Variants in GFRA1 observed in about 807,000 individuals in gnomAD.
GFRA1 encodes GDNF family receptor alpha 1.
In GFRA1, 16 loss-of-function variants were observed where a neutral mutation model predicts 51.6. The ratio of observed to expected loss-of-function variants is 0.31; its 90% confidence interval spans 0.21 to 0.47. The LOEUF (loss-of-function observed/expected upper bound fraction) is 0.47, where lower values mean the gene tolerates loss of function less well. Among genes scored for constraint, GFRA1 ranks in the 20% least tolerant of loss-of-function variants. The probability of loss-of-function intolerance (pLI) is 1.00; values close to 1 mark genes in which losing one functional copy is unlikely to be tolerated. For missense variants in GFRA1, 530 were observed against 594.3 expected, an observed-to-expected ratio of 0.89 and a Z score of 1.13; for synonymous variants, 270 against 241.3, an observed-to-expected ratio of 1.12 and a Z score of -1.10.
rs1313165320 is a variant in GFRA1, at chr10:116,060,347, C to T, written c.*4051G>A. On this transcript the variant is annotated 3_prime_UTR_variant, in exon 11 of 11. Transcript: ENST00000355422. ...AGAATTTCTAATAAGAAATTCCTTC[C>T]TCTGTCGTTCGGATATTATCAATAG... is the stretch of plus-strand genomic sequence containing the variant. 1 of 152,184 alleles carries T rather than the reference C, an allele frequency of 6.6e-6. No individual in the cohort carries two copies. Among genetic ancestry groups the T allele is most frequent in the African/African-American group, 2.4e-5 (1 of 41,438 alleles). 9.4% of individuals were successfully genotyped at this position (152,184 alleles called of 1,614,324 possible).
intron 5 of GFRA1, among the ~76,000 whole-genome samples, chr10:116,179,954 C>T (rs934581395): frequency 1.1e-4 from 16 of 152,124 alleles, no homozygotes; most frequent in African/African-American, 3.9e-4. Flanking sequence ...AACAGGGATG[C>T]TTGGTGTCAC....
At chr10:116,065,546 C>G (rs376337481) in intron 10 of GFRA1, 27 bp downstream of exon 10, 11 of 1,590,108 alleles carry the variant, frequency 6.9e-6, no homozygotes, top group South Asian at 6.6e-5. Flanking sequence ...TATAAATGCA[C>G]GAAGCCTCCA....
At chr10:116,151,184 A>G (rs554146072) in intron 5 of GFRA1, among the ~76,000 whole-genome samples, 29 of 152,286 alleles carry the variant, frequency 1.9e-4, no homozygotes, top group African/African-American at 6.3e-4. Flanking sequence ...CAAGGCAAGC[A>G]TCTGTACAAG....
intron 4 of GFRA1, among the ~76,000 whole-genome samples, chr10:116,248,673 A>G (rs572649426): frequency 6.6e-6 from 1 of 152,316 alleles, no homozygotes; most frequent in South Asian, 2.1e-4. Context: ...TAGGCCTGCA[A>G]CAAGTCCATA....
intron 4 of GFRA1, among the ~76,000 whole-genome samples, chr10:116,248,631 T>C (rs1170012244): frequency 1.4e-4 from 22 of 152,186 alleles, no homozygotes; most frequent in Admixed American, 1.2e-3. Flanking sequence ...ACTGTGGAGT[T>C]TGCAAAGCAC....
At chr10:116,153,030 G>A (rs1421401878) in intron 5 of GFRA1, among the ~76,000 whole-genome samples, 1 of 152,094 alleles carries the variant, frequency 6.6e-6, no homozygotes, top group East Asian at 1.9e-4. Context: ...ATCCATCCAT[G>A]CATCCATCTA....
chr10:116,209,573 A>G (rs1265898954), intron 5 of GFRA1, among the ~76,000 whole-genome samples: 1 of 152,096 alleles, frequency 6.6e-6, no homozygotes, highest in Non-Finnish European at 1.5e-5. Flanking sequence ...CAGACAACGC[A>G]GTGGCGTCTG....
intron 5 of GFRA1, among the ~76,000 whole-genome samples, chr10:116,149,066 G>A (rs557849126): frequency 2.0e-5 from 3 of 152,200 alleles, no homozygotes; most frequent in African/African-American, 7.2e-5. Flanking sequence ...TGAGCAGTAA[G>A]TTCTCTGGAT....
rs564312480 is a variant in GFRA1, at chr10:116,236,246, G to A, written c.419-24601C>T. Among the ~76,000 whole-genome samples, 12 of 152,214 alleles carry A rather than the reference G, an allele frequency of 7.9e-5. No individual in the cohort carries two copies. The South Asian group carries it at 1.9e-3, about 24-fold the overall frequency. On this transcript the variant is annotated intron_variant, in intron 4 of 10. Transcript: ENST00000355422. The stretch of plus-strand genomic sequence containing the variant: ...CTGCACTCCCTTCCATGCCTCGCCA[G>A]CTTTGCTCTGCCCAAATCACTTCCT...
chr10:116,139,799 G>C (rs559134180), intron 5 of GFRA1, among the ~76,000 whole-genome samples: 1 of 152,216 alleles, frequency 6.6e-6, no homozygotes, highest in Non-Finnish European at 1.5e-5. Flanking sequence ...GTGGATTCCT[G>C]CTCCATCGGA....
At chr10:116,141,955 A>G (rs1450438848) in intron 5 of GFRA1, among the ~76,000 whole-genome samples, 2 of 152,166 alleles carry the variant, frequency 1.3e-5, no homozygotes, top group Non-Finnish European at 2.9e-5. Context: ...GGTTAGGCAG[A>G]TCTTCTTAGA....
At chr10:116,183,797 T>C (rs1962453514) in intron 5 of GFRA1, among the ~76,000 whole-genome samples, 1 of 152,216 alleles carries the variant, frequency 6.6e-6, no homozygotes, top group Non-Finnish European at 1.5e-5. Context: ...TCTGCCCACT[T>C]ACTGATCCCA....
At chr10:116,075,902 G>A (rs1955598905) in intron 9 of GFRA1, among the ~76,000 whole-genome samples, 1 of 151,974 alleles carries the variant, frequency 6.6e-6, no homozygotes, top group Non-Finnish European at 1.5e-5. Context: ...CCACCACTGT[G>A]CCCGGCTAAT....
intron 8 of GFRA1, 81 bp from the exon 9 acceptor site, chr10:116,090,003 C>T: frequency 1.6e-6 from 2 of 1,279,762 alleles, no homozygotes; most frequent in Non-Finnish European, 2.2e-6. Flanking sequence ...CAGAGAGGCA[C>T]ACTAGAAATT....
chr10:116,172,171 C>T (rs1589843000), intron 5 of GFRA1, among the ~76,000 whole-genome samples: 1 of 152,178 alleles, frequency 6.6e-6, no homozygotes, highest in African/African-American at 2.4e-5. Flanking sequence ...CGAGCAGGAG[C>T]CAGGATTACT....
chr10:116,089,026 T>C (rs1956221158), intron 9 of GFRA1, among the ~76,000 whole-genome samples: 1 of 132,954 alleles, frequency 7.5e-6, no homozygotes, highest in Admixed American at 7.7e-5. Context: ...CTATGAAAAA[T>C]CAATAAAAAA....
intron 6 of GFRA1, among the ~76,000 whole-genome samples, chr10:116,122,702 TTC>T (rs1957695538): frequency 6.6e-6 from 1 of 152,130 alleles, no homozygotes; most frequent in Admixed American, 6.5e-5. Context: ...GTCTCAGACC[TTC>T]TCTGGCCATC....
At chr10:116,196,869 C>G (rs1963926563) in intron 5 of GFRA1, among the ~76,000 whole-genome samples, 2 of 125,864 alleles carry the variant, frequency 1.6e-5, no homozygotes, top group East Asian at 4.5e-4. Flanking sequence ...TCCCACAGTT[C>G]TGGAGTCCAG....
chr10:116,250,293 C>T (rs951969365), intron 4 of GFRA1, among the ~76,000 whole-genome samples: 3 of 152,138 alleles, frequency 2.0e-5, no homozygotes, highest in African/African-American at 4.8e-5. Context: ...GTGGACACTA[C>T]GTATGTCAAC....
Sources: gnomAD v4.1 joint callset for allele counts (sites outside exome capture counted in the v4.1 genomes callset) on GRCh38, gnomAD v4.1.1 for gene constraint, MANE v1.5 for transcripts, NCBI Gene and HGNC (gene_info 2026-07-23, HGNC 2026-07-21) for gene names.